The following POLM variants were observed in gnomAD, a reference collection of about 807,000 sequenced individuals.
POLM encodes DNA polymerase mu.
In POLM, 52 loss-of-function variants were observed where a neutral mutation model predicts 56.7. That is an observed-to-expected ratio of 0.92 (90% CI 0.73 to 1.15). POLM has a LOEUF of 1.15. POLM is among the 50% of genes most tolerant of loss of function. POLM has a pLI of 0.00. For synonymous variants in POLM, 273 were observed against 274.3 expected, an observed-to-expected ratio of 1.00 and a Z score of 0.05; for missense variants, 660 against 663.6, an observed-to-expected ratio of 0.99 and a Z score of 0.06.
At position 44,078,930 on chromosome 7, in the gene POLM, CAG is replaced by C. The variant is rs2096191503; in HGVS notation, c.643-121_643-120del. The stretch of plus-strand genomic sequence containing the variant: ...TGAGGCAGTCCCCTCCAACACCCGG[CAG>C]AGACAACTTTGTGAGGTCAGGGTCC... On this transcript the variant is annotated intron_variant, in intron 4 of 10. Transcript: ENST00000242248. The C allele has an allele frequency of 4.1e-6, 3 of 731,936 alleles. No individual in the cohort carries two copies. The African/African-American group carries it at 5.3e-5, about 13-fold the overall frequency. The allele number at this position is 731,936 out of a possible 1,614,324, so 45.3% of individuals were successfully genotyped here. A position where few individuals can be genotyped will look rare whatever the true frequency, so the allele number is the denominator to read the frequency against.
chr7:44,080,461 G>C (rs2096196642), intron 2 of POLM: 2 of 638,308 alleles, frequency 3.1e-6, no homozygotes, highest in Non-Finnish European at 5.8e-6. Context: ...TACTTGGTGA[G>C]GAAGAAAGGC....
intron 5 of POLM, among the ~76,000 whole-genome samples, chr7:44,077,722 A>C (rs2096187583): frequency 6.6e-6 from 1 of 152,016 alleles, no homozygotes; most frequent in African/African-American, 2.4e-5. Flanking sequence ...CCTTCCCTGC[A>C]TATTTGAGCC....
chr7:44,082,471 C>T lies in POLM; in HGVS notation c.-33G>A, dbSNP rs746432507. Reference sequence around the variant, plus strand: ...ACAGCCTCCAGCAGCGCGGAGCGAACGCAGAGGGAAACTCCGAGCGAGACG... The same window carrying T: ...ACAGCCTCCAGCAGCGCGGAGCGAATGCAGAGGGAAACTCCGAGCGAGACG... On this transcript the variant is annotated 5_prime_UTR_variant, in exon 1 of 11. Coordinates refer to ENST00000242248, the MANE Select transcript of POLM (RefSeq NM_013284.4). 8.3e-6 allele frequency: 10 copies of T among 1,210,848 alleles called. No homozygotes were observed. In the South Asian group the frequency reaches 1.7e-4, roughly 20 times the overall value. The allele number at this position is 1,210,848 out of a possible 1,614,324, so 75.0% of individuals were successfully genotyped here.
In POLM at chr7:44,074,587, C is replaced by G. The variant is rs1233895275; in HGVS notation, c.836-57G>C. The G allele has an allele frequency of 6.7e-6, 10 of 1,481,864 alleles. No homozygotes were observed. In the South Asian group the frequency reaches 1.4e-4, roughly 20 times the overall value. The allele number at this position is 1,481,864 out of a possible 1,614,324, so 91.8% of individuals were successfully genotyped here. The stretch of plus-strand genomic sequence containing the variant: ...CAGCCTGCCCACCACACCGAGCCCC[C>G]ATCCCTCACCAGCATGAGGTGATCA... On this transcript the variant is annotated intron_variant, in intron 6 of 10. Transcript: ENST00000242248.
chr7:44,080,626 T>C, intron 2 of POLM, 107 bp downstream of exon 2: 3 of 1,220,268 alleles, frequency 2.5e-6, no homozygotes, highest in Non-Finnish European at 2.4e-6. Flanking sequence ...GCCCACCTCC[T>C]CTGAAGGACA....
In POLM at chr7:44,074,444, G is replaced by A; in HGVS notation, c.922C>T (p.Gln308Ter). The A allele has an allele frequency of 6.4e-7, 1 of 1,573,960 alleles. No individual in the cohort carries two copies. Among genetic ancestry groups the A allele is most frequent in the Non-Finnish European group, 8.6e-7 (1 of 1,159,864 alleles). Reference sequence around the variant, plus strand: ...GTGACGGTGGCCCCAGGCAGGGCCTGCCCCACAGCTTCCTCCACCACCTGC... The same window carrying A: ...GTGACGGTGGCCCCAGGCAGGGCCTACCCCACAGCTTCCTCCACCACCTGC... ...LQQVVEEAVG[Q>*]ALPGATVTLT... Residue 308 changes from glutamine (Q) to a stop codon, truncating the protein, a stop_gained, in exon 7 of 11, where the codon CAG becomes TAG. Coordinates refer to ENST00000242248, the MANE Select transcript of POLM (RefSeq NM_013284.4). LOFTEE classifies it high-confidence loss of function.
At chr7:44,074,265 ACACGGCCTGCTCACTCCAGCCCCAGGC>A (rs1490124921) in intron 7 of POLM, 32 bp from the exon 8 acceptor site, 1 of 1,550,482 alleles carries the variant, frequency 6.4e-7, no homozygotes, top group African/African-American at 1.4e-5. Context: ...TGACTCAGGG[ACACGGCCTGCTCACTCCAGCCCCAGGC>A]CACATCCCTT....
chr7:44,076,709 G>A, intron 5 of POLM, 80 bp from the exon 6 acceptor site: 1 of 1,558,848 alleles, frequency 6.4e-7, no homozygotes, highest in Non-Finnish European at 8.7e-7. Flanking sequence ...GGACGGTGTG[G>A]CCCATGGAGC....
chr7:44,074,901 G>C (rs2096179617), intron 6 of POLM, among the ~76,000 whole-genome samples: 1 of 152,138 alleles, frequency 6.6e-6, no homozygotes, highest in South Asian at 2.1e-4. Flanking sequence ...CATGCCACAG[G>C]CTATCTCTTT....
intron 1 of POLM, among the ~76,000 whole-genome samples, 189 bp from the exon 2 acceptor site, chr7:44,081,105 A>G (rs1335081890): frequency 1.3e-5 from 2 of 152,224 alleles, no homozygotes; most frequent in African/African-American, 4.8e-5. Flanking sequence ...CTCAGCCCTC[A>G]GAACCGTAGT....
intron 6 of POLM, 44 bp from the exon 7 acceptor site, chr7:44,074,574 C>A (rs747324354): frequency 2.0e-6 from 3 of 1,502,910 alleles, no homozygotes; most frequent in Non-Finnish European, 2.7e-6. Flanking sequence ...GCCTGCCCAC[C>A]ACACCGAGCC....
chr7:44,081,157 GCT>G (rs2096198754), intron 1 of POLM, among the ~76,000 whole-genome samples: 1 of 152,300 alleles, frequency 6.6e-6, no homozygotes, highest in Non-Finnish European at 1.5e-5. Flanking sequence ...CCAGTCTTGT[GCT>G]CTCTCCCTCC....
chr7:44,078,725 C>T lies in POLM; in HGVS notation c.714+15G>A, dbSNP rs921085339. ...AGGACATTCCTGGGGTAGGTCCGAG[C>T]CCTGCCCTGCGCACCTTCATGGTCT... On this transcript the variant is annotated intron_variant, in intron 5 of 10. Coordinates refer to ENST00000242248, the MANE Select transcript of POLM (RefSeq NM_013284.4). The T allele has an allele frequency of 1.4e-6, 2 of 1,421,850 alleles. No homozygotes were observed. The highest frequency in any genetic ancestry group is 2.0e-6 in the Non-Finnish European group (2 of 1,024,128). 88.1% of individuals were successfully genotyped at this position (1,421,850 alleles called of 1,614,324 possible). A position where few individuals can be genotyped will look rare whatever the true frequency, so the allele number is the denominator to read the frequency against.
Position 44,074,146 on chromosome 7 carries a change from G to A in POLM, c.1056C>T (p.Cys352=). The A allele has an allele frequency of 1.2e-6, 2 of 1,603,536 alleles. No individual in the cohort carries two copies. The highest frequency in any genetic ancestry group is 2.2e-5 in the East Asian group (1 of 44,616). The change falls in exon 8 of 11, where the codon TGC becomes TGT. Residue 352 remains cysteine (C), a synonymous_variant. Coordinates refer to ENST00000242248, the MANE Select transcript of POLM (RefSeq NM_013284.4). ...QEAGLLPRVM[C]RLQDQGLILY... ...AGGCCCTCACCTGGTCCTGCAGGCG[G>A]CACATCACTCTAGGCAGCAGCCCCG...
At position 44,082,410 on chromosome 7, in the gene POLM, A is replaced by C. The variant is rs2096202919; in HGVS notation, c.29T>G (p.Val10Gly). The C allele has an allele frequency of 1.4e-6, 2 of 1,470,952 alleles. No individual in the cohort carries two copies. Among genetic ancestry groups the C allele is most frequent in the Admixed American group, 3.0e-5 (1 of 33,656 alleles). 91.1% of individuals were successfully genotyped at this position (1,470,952 alleles called of 1,614,324 possible). MLPKRRRAR[V>G]GSPSGDAASS... is the part of the protein sequence containing the mutation. Reference sequence around the variant, plus strand: ...AGCGGCATCGCCGCTAGGGGACCCGACCCGCGCTCGCCGCCGTTTGGGGAG... The same window carrying C: ...AGCGGCATCGCCGCTAGGGGACCCGCCCCGCGCTCGCCGCCGTTTGGGGAG... The change falls in exon 1 of 11, where the codon GTC becomes GGC. Residue 10 changes from valine (V) to glycine (G), a missense_variant. By Grantham distance (109) the Val-to-Gly change is moderately radical (BLOSUM62 -3). Transcript: ENST00000242248.
In POLM at chr7:44,074,494, AG is replaced by A; in HGVS notation, c.871del (p.Leu291CysfsTer5). 3 of 1,597,668 alleles carry A rather than the reference AG, an allele frequency of 1.9e-6. No homozygotes were observed. Among genetic ancestry groups the A allele is most frequent in the Non-Finnish European group, 2.6e-6 (3 of 1,172,434 alleles). Reference protein sequence around the residue: ...QHHQDLSTPVLRSDVDALQQV... With the variant: ...QHHQDLSTPVXRSDVDALQQV... ...CTGCAGGGCATCTACATCGGACCGCAGGACTGGGGTGCTCAGGTCCTGGTGG... is the reference window on the plus strand; with the variant it reads ...CTGCAGGGCATCTACATCGGACCGCAGACTGGGGTGCTCAGGTCCTGGTGG... On this transcript the variant is annotated frameshift_variant, in exon 7 of 11. Transcript: ENST00000242248. LOFTEE classifies it high-confidence loss of function.
rs28382648 is a variant in POLM, at chr7:44,077,663, C to T, written c.715-1034G>A. The stretch of plus-strand genomic sequence containing the variant: ...AGGCCCCTCACTCCCACACTCACCA[C>T]GGTGGCCCCACTCATCTGGTCCCCT... On this transcript the variant is annotated intron_variant, in intron 5 of 10. Transcript: ENST00000242248. 8.9e-3 allele frequency among the ~76,000 whole-genome samples: 1,348 copies of T among 152,302 alleles called. 25 individuals are homozygous for T. The highest frequency in any genetic ancestry group is 0.031 in the African/African-American group (1,270 of 41,562).
chr7:44,072,925 T>C lies in POLM; in HGVS notation c.*366A>G. 1 of 533,938 alleles carries C rather than the reference T, an allele frequency of 1.9e-6. No homozygotes were observed. Among genetic ancestry groups the C allele is most frequent in the South Asian group, 3.6e-5 (1 of 27,542 alleles). The allele number at this position is 533,938 out of a possible 1,614,324, so 33.1% of individuals were successfully genotyped here. ...GAGCCACAGTTAACTGCAGTGCAAC[T>C]AATGAGACACTGCACATCAGGGACC... On this transcript the variant is annotated 3_prime_UTR_variant, in exon 11 of 11. Coordinates refer to ENST00000242248, the MANE Select transcript of POLM (RefSeq NM_013284.4).
At chr7:44,077,355 A>G (rs1237482928) in intron 5 of POLM, among the ~76,000 whole-genome samples, 3 of 152,224 alleles carry the variant, frequency 2.0e-5, no homozygotes, top group African/African-American at 7.2e-5. Context: ...CAGGTCGCTG[A>G]GCCCAGTTGT....
Sources: allele counts gnomAD v4.1 joint callset (sites outside exome capture counted in the v4.1 genomes callset), GRCh38; gene constraint gnomAD v4.1.1; transcripts MANE v1.5; gene names NCBI Gene and HGNC (gene_info 2026-07-23, HGNC 2026-07-21).